Variants in APBA1 observed in about 807,000 individuals in gnomAD.
APBA1 encodes amyloid-beta A4 precursor protein-binding family A member 1.
APBA1 carries 55 observed loss-of-function variants against 86.6 expected under a neutral mutation model. The ratio of observed to expected loss-of-function variants is 0.64; its 90% CI spans 0.51 to 0.80. The LOEUF (loss-of-function observed/expected upper bound fraction) is 0.80. APBA1 is among the 30% of genes least tolerant of loss of function. The pLI is 0.00. For synonymous variants in APBA1, 511 were observed against 493.9 expected (o/e 1.03, Z -0.46); for missense variants, 1,090 against 1,183.0 (o/e 0.92, Z 1.15).
chr9:69,474,780 T>C (rs1588306282), intron 3 of APBA1, among the ~76,000 whole-genome samples: 1 of 152,218 alleles, frequency 6.6e-6, no homozygotes, highest in African/African-American at 2.4e-5. Flanking sequence ...TAAAAAATAC[T>C]TTTCCTTTGT....
chr9:69,476,819 T>A (rs1412449486), intron 2 of APBA1, among the ~76,000 whole-genome samples: 2 of 152,200 alleles, frequency 1.3e-5, no homozygotes, highest in South Asian at 2.1e-4. Context: ...GAGAATGGCC[T>A]GGTTGGGTGT....
chr9:69,575,919 C>T (rs1331039607), intron 1 of APBA1, among the ~76,000 whole-genome samples: 6 of 152,144 alleles, frequency 3.9e-5, no homozygotes, highest in Admixed American at 6.5e-5. Context: ...AGTGAACAGG[C>T]AACCTACAGA....
intron 10 of APBA1, among the ~76,000 whole-genome samples, chr9:69,448,012 C>T (rs1834940133): frequency 6.6e-6 from 1 of 152,054 alleles, no homozygotes; most frequent in Admixed American, 6.5e-5. Context: ...TCCCTAGCCC[C>T]ACCCCCCCGC....
chr9:69,432,553 A>G lies in APBA1; in HGVS notation c.2425T>C (p.Ser809Pro), dbSNP rs1486064190. ...TPHEKIVHIL[S>P]NAVGEIHMKT... ...TCTCCTACCTCCCCAACAGCATTGG[A>G]GAGAATGTGGACGATCTTCTCGTGG... is the stretch of plus-strand genomic sequence containing the variant. The change falls in exon 12 of 13, where the codon TCC (serine) becomes CCC (proline). Residue 809 changes from serine to proline, a missense_variant. Physicochemically the swap from Ser to Pro is moderately conservative, Grantham distance 74. Coordinates refer to ENST00000265381, the MANE Select transcript of APBA1 (RefSeq NM_001163.4). The G allele has an allele frequency of 1.3e-6, 2 of 1,579,180 alleles. No homozygotes were observed. Among genetic ancestry groups the G allele is most frequent in the Non-Finnish European group, 1.7e-6 (2 of 1,163,698 alleles).
At chr9:69,530,549 A>T (rs962881104) in intron 1 of APBA1, among the ~76,000 whole-genome samples, 2 of 152,038 alleles carry the variant, frequency 1.3e-5, no homozygotes, top group Non-Finnish European at 2.9e-5. Context: ...GAAACTATAG[A>T]TACCAGGGAC....
At chr9:69,668,597 CA>C (rs986031726) in intron 1 of APBA1, among the ~76,000 whole-genome samples, 2 of 152,214 alleles carry the variant, frequency 1.3e-5, no homozygotes, top group Non-Finnish European at 2.9e-5. Context: ...TTTCTCCTCA[CA>C]AATCTTCTAT....
chr9:69,500,171 G>A (rs555714309), intron 2 of APBA1, among the ~76,000 whole-genome samples: 1 of 152,030 alleles, frequency 6.6e-6, no homozygotes, highest in Non-Finnish European at 1.5e-5. Flanking sequence ...GCAGCCCAGT[G>A]GGGGATCTGA....
intron 1 of APBA1, among the ~76,000 whole-genome samples, chr9:69,524,407 C>A (rs896694656): frequency 2.0e-5 from 3 of 151,862 alleles, no homozygotes; most frequent in African/African-American, 4.8e-5. Context: ...ACATTATAAC[C>A]AATCACACAG....
intron 1 of APBA1, among the ~76,000 whole-genome samples, chr9:69,559,958 C>A (rs887235002): frequency 5.3e-5 from 8 of 152,190 alleles, no homozygotes; most frequent in African/African-American, 9.6e-5. Context: ...TTGGCCCCCA[C>A]ACCAGTATAC....
At chr9:69,453,815 C>T (rs1397317268) in intron 8 of APBA1, among the ~76,000 whole-genome samples, 2 of 152,214 alleles carry the variant, frequency 1.3e-5, no homozygotes, top group Non-Finnish European at 2.9e-5. Flanking sequence ...AACGGCCTGC[C>T]AGCAGGCAAG....
At chr9:69,656,746 T>A (rs1823619483) in intron 1 of APBA1, among the ~76,000 whole-genome samples, 1 of 152,206 alleles carries the variant, frequency 6.6e-6, no homozygotes, top group Non-Finnish European at 1.5e-5. Context: ...AAACATCAAA[T>A]ATTAGATGAG....
intron 1 of APBA1, among the ~76,000 whole-genome samples, chr9:69,668,042 G>T (rs113841523): frequency 6.6e-6 from 1 of 151,924 alleles, no homozygotes; most frequent in Non-Finnish European, 1.5e-5. Flanking sequence ...CTTGTTTAAC[G>T]TGGTTCCTGT....
intron 2 of APBA1, among the ~76,000 whole-genome samples, chr9:69,490,742 T>G (rs1198557017): frequency 6.6e-6 from 1 of 151,782 alleles, no homozygotes; most frequent in Non-Finnish European, 1.5e-5. Context: ...TACAAAGAAC[T>G]CAAACAAATT....
intron 1 of APBA1, among the ~76,000 whole-genome samples, chr9:69,601,203 C>T (rs997747904): frequency 1.3e-5 from 2 of 152,114 alleles, no homozygotes; most frequent in Middle Eastern, 3.2e-3. Flanking sequence ...ATTCCAAAGC[C>T]GAAAGAGCCT....
Position 69,516,146 on chromosome 9 carries a change from CTCCTTGATG to C in APBA1, c.1056_1064del (p.Asp352_Lys354del), listed in dbSNP as rs1564062615. On this transcript the variant is annotated inframe_deletion, in exon 2 of 13. Coordinates refer to ENST00000265381, the MANE Select transcript of APBA1 (RefSeq NM_001163.4). This position sits in a 1 kb window ranked among gnomAD's most constrained non-coding sequence, Gnocchi z 7.3. The stretch of plus-strand genomic sequence containing the variant: ...TCCTGGTTTTCACCTCCTCGATGGC[CTCCTTGATG>C]TCCTTGATGGCCAGCGAGATGGCAT... 2.5e-6 allele frequency: 4 copies of C among 1,613,154 alleles called. No homozygotes were observed. The highest frequency in any genetic ancestry group is 2.2e-5 in the South Asian group (2 of 91,046).
intron 1 of APBA1, among the ~76,000 whole-genome samples, chr9:69,545,462 C>T (rs1836682996): frequency 6.6e-6 from 1 of 152,186 alleles, no homozygotes; most frequent in Admixed American, 6.5e-5. Context: ...GAGTTAGTCT[C>T]TACTACTTGA....
In APBA1 at chr9:69,518,680, T is replaced by A. The variant is rs889561101; in HGVS notation, c.-69-1401A>T. On this transcript the variant is annotated intron_variant, in intron 1 of 12. Transcript: ENST00000265381. ...CTCAACAGTATGTGTAAACTTGCTA[T>A]TATGTTCTTTTGGAGAGCCTTTCTT... is the stretch of plus-strand genomic sequence containing the variant. Among the ~76,000 whole-genome samples, 8 of 152,300 alleles carry A rather than the reference T, an allele frequency of 5.3e-5. No homozygotes were observed. The East Asian group carries it at 1.5e-3, about 29-fold the overall frequency.
chr9:69,503,645 G>A (rs932050407), intron 2 of APBA1, among the ~76,000 whole-genome samples: 2 of 152,144 alleles, frequency 1.3e-5, no homozygotes, highest in Admixed American at 6.5e-5. Flanking sequence ...TTGTTTTTCC[G>A]TTTGCTTAGT....
chr9:69,558,068 C>T (rs1836889836), intron 1 of APBA1, among the ~76,000 whole-genome samples: 1 of 152,088 alleles, frequency 6.6e-6, no homozygotes. Context: ...TTAAATTTTG[C>T]TTACTTTGAG....
Sources: gnomAD v4.1 joint callset for allele counts (sites outside exome capture counted in the v4.1 genomes callset) on GRCh38, gnomAD v4.1.1 for gene constraint, Gnocchi (gnomAD v3.1) non-coding constraint, MANE v1.5 for transcripts, NCBI Gene and HGNC (gene_info 2026-07-23, HGNC 2026-07-21) for gene names.